PRELID2: variants seen among roughly 807,000 people sequenced by gnomAD.
PRELID2 encodes the protein PRELI domain containing 2.
A neutral mutation model predicts 28.4 loss-of-function variants in PRELID2; 25 were observed. The ratio of observed to expected loss-of-function variants is 0.88; its 90% CI spans 0.64 to 1.23. PRELID2 has a LOEUF of 1.23. Among genes scored for constraint, PRELID2 ranks in the 50% most tolerant of loss-of-function variants. The probability of loss-of-function intolerance (pLI) is 0.00; values close to 1 mark genes in which losing one functional copy is unlikely to be tolerated. For synonymous variants in PRELID2, 76 were observed against 71.6 expected (o/e 1.06, Z -0.31); for missense variants, 201 against 214.4 (o/e 0.94, Z 0.39).
intron 1 of PRELID2, among the ~76,000 whole-genome samples, chr5:145,720,780 AAT>A (rs1345424705): frequency 6.6e-6 from 1 of 152,024 alleles, no homozygotes; most frequent in Non-Finnish European, 1.5e-5. Context: ...AAATAAAAAT[AAT>A]CTGAAAAAAA....
At chr5:145,624,731 A>C (rs1292226567) in intron 1 of PRELID2, among the ~76,000 whole-genome samples, 1 of 152,228 alleles carries the variant, frequency 6.6e-6, no homozygotes, top group East Asian at 1.9e-4. Context: ...AAAGAGATTT[A>C]TAAATTTGGC....
the PRELID2 span, among the ~76,000 whole-genome samples, chr5:145,442,071 T>C: frequency 6.6e-6 from 1 of 152,112 alleles, no homozygotes; most frequent in Non-Finnish European, 1.5e-5. Context: ...GAATAATTGA[T>C]GTCTACTTTA....
intron 1 of PRELID2, among the ~76,000 whole-genome samples, chr5:145,649,177 T>C (rs576537046): frequency 6.6e-6 from 1 of 152,268 alleles, no homozygotes; most frequent in South Asian, 2.1e-4. Context: ...TTAGCTATTA[T>C]AAGTAAGCTA....
the PRELID2 span, among the ~76,000 whole-genome samples, chr5:145,366,445 G>A: frequency 9.2e-5 from 14 of 151,772 alleles, no homozygotes; most frequent in African/African-American, 3.4e-4. Context: ...CATGTGATTT[G>A]TCAAATCCCC....
intron 1 of PRELID2, among the ~76,000 whole-genome samples, chr5:145,583,351 A>G (rs1213660381): frequency 2.0e-5 from 3 of 152,068 alleles, no homozygotes; most frequent in Non-Finnish European, 4.4e-5. Context: ...ATGGGCAAAA[A>G]CTTGGAGCAT....
At chr5:145,456,296 T>C in the PRELID2 span, among the ~76,000 whole-genome samples, 1 of 152,246 alleles carries the variant, frequency 6.6e-6, no homozygotes, top group African/African-American at 2.4e-5. Flanking sequence ...CGCAGACCAG[T>C]AACAAAGAAT....
chr5:145,663,205 T>C (rs1161274221), intron 1 of PRELID2, among the ~76,000 whole-genome samples: 1 of 152,090 alleles, frequency 6.6e-6, no homozygotes, highest in Non-Finnish European at 1.5e-5. Flanking sequence ...GAATGACAAA[T>C]GTGCAGCACA....
chr5:145,573,599 G>C (rs1023498827), intron 1 of PRELID2, among the ~76,000 whole-genome samples: 3 of 152,112 alleles, frequency 2.0e-5, no homozygotes, highest in African/African-American at 7.2e-5. Flanking sequence ...AACATGCCAT[G>C]TTTGGTTTTC....
chr5:145,334,857 CTT>C, the PRELID2 span, among the ~76,000 whole-genome samples: 3 of 148,468 alleles, frequency 2.0e-5, no homozygotes, highest in African/African-American at 7.4e-5. Context: ...TTCTGATAGT[CTT>C]ATAAAAATGT....
At chr5:145,384,689 T>A in the PRELID2 span, among the ~76,000 whole-genome samples, 1 of 152,180 alleles carries the variant, frequency 6.6e-6, no homozygotes, top group Non-Finnish European at 1.5e-5. Context: ...AGCTCCAGCA[T>A]CAGCTTCTGG....
At position 145,793,043 on chromosome 5, in the gene PRELID2, C is replaced by T. The variant is rs79619418; in HGVS notation, c.474+3399G>A. ...TACATCTGTCAACTTGGCTGCCAAA[C>T]GGAAATCCCAGTTCTCCTGCCCACA... On this transcript the variant is annotated intron_variant, in intron 5 of 6. Transcript: ENST00000683046. Among the ~76,000 whole-genome samples, 714 of 152,260 alleles carry T rather than the reference C, an allele frequency of 4.7e-3. 5 individuals are homozygous for T. Among genetic ancestry groups the T allele is most frequent in the African/African-American group, 0.017 (686 of 41,546 alleles).
At chr5:145,261,868 A>C in the PRELID2 span, among the ~76,000 whole-genome samples, 1 of 152,242 alleles carries the variant, frequency 6.6e-6, no homozygotes, top group Non-Finnish European at 1.5e-5. Flanking sequence ...AAAATAATTC[A>C]GAAAGTCCAT....
chr5:145,527,283 T>C (rs11167905), intron 1 of PRELID2, among the ~76,000 whole-genome samples: 17,783 of 152,210 alleles, frequency 0.12, 1,205 homozygotes, highest in Non-Finnish European at 0.15. Flanking sequence ...TATGCAAATA[T>C]ACACATCAAT....
the PRELID2 span, chr5:145,441,222 A>G: frequency 6.6e-6 from 1 of 152,080 alleles, no homozygotes; most frequent in Non-Finnish European, 1.5e-5. Context: ...TGGTTGAACA[A>G]AGAACATTAG....
the PRELID2 span, among the ~76,000 whole-genome samples, chr5:145,283,815 T>A: frequency 1.2e-4 from 19 of 152,200 alleles, no homozygotes; most frequent in Admixed American, 6.5e-4. Context: ...ATTATTTAGA[T>A]GTTAAATTGA....
At chr5:145,510,257 C>T (rs1752449538) in intron 1 of PRELID2, among the ~76,000 whole-genome samples, 3 of 152,228 alleles carry the variant, frequency 2.0e-5, no homozygotes, top group Non-Finnish European at 4.4e-5. Context: ...TTGAAAGCAA[C>T]ATCTTTGCTT....
chr5:145,742,086 ATTTATAATT>A (rs1756823007), intron 1 of PRELID2, among the ~76,000 whole-genome samples: 1 of 125,240 alleles, frequency 8.0e-6, no homozygotes, highest in Non-Finnish European at 1.6e-5. Flanking sequence ...GTAATTATAT[ATTTATAATT>A]ACATATAATT....
the PRELID2 span, among the ~76,000 whole-genome samples, chr5:145,340,153 G>A: frequency 3.3e-5 from 5 of 152,080 alleles, no homozygotes; most frequent in East Asian, 3.9e-4. Context: ...CCAAATACTC[G>A]AGCATCCAAC....
chr5:145,482,479 A>G (rs1057265904), intron 1 of PRELID2, among the ~76,000 whole-genome samples: 10 of 152,048 alleles, frequency 6.6e-5, no homozygotes, highest in Non-Finnish European at 8.8e-5. Context: ...CAAACTTCCA[A>G]CATTTACAGT....
Sources: allele counts gnomAD v4.1 joint callset (sites outside exome capture counted in the v4.1 genomes callset), GRCh38; gene constraint gnomAD v4.1.1; transcripts MANE v1.5; gene names NCBI Gene and HGNC (gene_info 2026-07-23, HGNC 2026-07-21).